The following HSD11B1 variants were observed in gnomAD, a reference collection of about 807,000 sequenced individuals.
HSD11B1 encodes hydroxysteroid 11-beta dehydrogenase 1.
HSD11B1 carries 15 observed loss-of-function variants against 22.1 expected under a neutral mutation model. That is an observed-to-expected ratio of 0.68 (90% CI 0.45 to 1.04). HSD11B1 has a LOEUF of 1.04. Ranked by LOEUF, HSD11B1 falls within the 50% of genes least tolerant of loss-of-function variation. The pLI, the probability that HSD11B1 is intolerant of heterozygous loss-of-function variation, is 0.00. For missense variants in HSD11B1, 281 were observed against 357.6 expected (o/e 0.79, Z 1.73); for synonymous variants, 122 against 125.2 (o/e 0.97, Z 0.17).
intron 1 of HSD11B1, among the ~76,000 whole-genome samples, chr1:209,697,729 G>C (rs758531274): frequency 2.0e-5 from 3 of 152,082 alleles, no homozygotes; most frequent in Non-Finnish European, 2.9e-5. Context: ...ATGGCTATCA[G>C]TAGGCATGGT....
intron 4 of HSD11B1, among the ~76,000 whole-genome samples, chr1:209,716,557 T>C (rs528077770): frequency 6.0e-5 from 9 of 150,652 alleles, no homozygotes; most frequent in African/African-American, 9.8e-5. Flanking sequence ...ACATTTTTCA[T>C]AGAAATAGAA....
At chr1:209,722,093 G>A (rs113178111) in intron 4 of HSD11B1, among the ~76,000 whole-genome samples, 20 of 152,122 alleles carry the variant, frequency 1.3e-4, no homozygotes, top group Admixed American at 5.2e-4. Flanking sequence ...AACCGGTTTG[G>A]GCCCACCCTT....
At position 209,706,091 on chromosome 1, in the gene HSD11B1, T is replaced by C. The variant is rs1016794298; in HGVS notation, c.219+150T>C. 3 of 982,912 alleles carry C rather than the reference T, an allele frequency of 3.1e-6. No individual in the cohort carries two copies. The African/African-American group carries it at 4.9e-5, about 16-fold the overall frequency. 60.9% of individuals were successfully genotyped at this position (982,912 alleles called of 1,614,324 possible). ...AGACACTTAATTTTGCACTCTCATA[T>C]ATAGATTCAAACACCAAAAAACCCA... On this transcript the variant is annotated intron_variant, in intron 2 of 5. Transcript: ENST00000367027. This position sits in a 1 kb window ranked among gnomAD's most constrained non-coding sequence, Gnocchi z 4.0.
At chr1:209,718,561 C>A (rs56822893) in intron 4 of HSD11B1, among the ~76,000 whole-genome samples, 20,439 of 151,752 alleles carry the variant, frequency 0.13, 2,882 homozygotes, top group East Asian at 0.32. Context: ...CCCACACCCC[C>A]AAAAAACAGA....
chr1:209,732,441 G>T lies in HSD11B1; in HGVS notation c.523G>T (p.Val175Leu). The change falls in exon 5 of 6, where the codon GTG (valine) becomes TTG (leucine). Residue 175 changes from valine (V) to leucine (L), a missense_variant. Physicochemically the swap from Val to Leu is conservative, Grantham distance 32. Coordinates refer to ENST00000367027, the MANE Select transcript of HSD11B1 (RefSeq NM_005525.4). The part of the protein sequence containing the change: ...IVVVSSLAGK[V>L]AYPMVAAYSA... ...TTCTTTAATCTGTCATTTAGGGAAA[G>T]TGGCTTATCCAATGGTTGCTGCCTA... The T allele has an allele frequency of 6.2e-7, 1 of 1,614,136 alleles. No individual in the cohort carries two copies. The highest frequency in any genetic ancestry group is 8.5e-7 in the Non-Finnish European group (1 of 1,180,002).
At chr1:209,729,351 T>G (rs1418959301) in intron 4 of HSD11B1, among the ~76,000 whole-genome samples, 1 of 128,482 alleles carries the variant, frequency 7.8e-6, no homozygotes, top group East Asian at 2.3e-4. Context: ...AGAGCAAGAC[T>G]CTGCCTCGGA....
At chr1:209,715,550 G>A (rs1405325474) in intron 4 of HSD11B1, among the ~76,000 whole-genome samples, 2 of 152,140 alleles carry the variant, frequency 1.3e-5, no homozygotes, top group African/African-American at 2.4e-5. Context: ...AAGGATAATA[G>A]GCACACATTA....
chr1:209,709,377 C>T (rs962600350), intron 4 of HSD11B1, among the ~76,000 whole-genome samples: 2 of 152,182 alleles, frequency 1.3e-5, no homozygotes, highest in Non-Finnish European at 2.9e-5. Flanking sequence ...CCACTATTCA[C>T]CACCTTTTCT....
intron 4 of HSD11B1, among the ~76,000 whole-genome samples, chr1:209,719,017 C>A (rs1429447694): frequency 3.1e-4 from 1 of 3,180 alleles, no homozygotes; most frequent in Non-Finnish European, 4.3e-4. Context: ...GAGACTCCAT[C>A]TCAAAAAAAA....
At position 209,704,996 on chromosome 1, in the gene HSD11B1, C is replaced by T; in HGVS notation, c.54C>T (p.Tyr18=). ...LLPILGLFMA[Y]YYYSANEEFR... is the part of the protein sequence containing the mutation. ...CCATTCTGGGGCTCTTCATGGCCTA[C>T]TACTACTATTCTGCAAACGAGGAAT... is the stretch of plus-strand genomic sequence containing the variant. Residue 18 remains tyrosine (Y), a synonymous_variant, in exon 1 of 6, where the codon TAC becomes TAT. Coordinates refer to ENST00000367027, the MANE Select transcript of HSD11B1 (RefSeq NM_005525.4). 1.9e-6 allele frequency: 3 copies of T among 1,613,868 alleles called. No homozygotes were observed. Among genetic ancestry groups the T allele is most frequent in the Non-Finnish European group, 2.5e-6 (3 of 1,179,806 alleles).
At chr1:209,716,390 GA>G (rs1213207212) in intron 4 of HSD11B1, among the ~76,000 whole-genome samples, 1 of 149,556 alleles carries the variant, frequency 6.7e-6, no homozygotes, top group African/African-American at 2.4e-5. Flanking sequence ...ACCTCTACAG[GA>G]AAAACTATAA....
intron 4 of HSD11B1, chr1:209,724,121 G>T (rs943812545): frequency 7.2e-5 from 11 of 152,348 alleles, no homozygotes; most frequent in African/African-American, 2.7e-4. Context: ...GGTGAGCAGA[G>T]TGTGGGCTGG....
In HSD11B1 at chr1:209,704,961, T is replaced by C; in HGVS notation, c.19T>C (p.Tyr7His). Reference sequence around the variant, plus strand: ...CTGTCGGATGGCTTTTATGAAAAAATATCTCCTCCCCATTCTGGGGCTCTT... The same window carrying C: ...CTGTCGGATGGCTTTTATGAAAAAACATCTCCTCCCCATTCTGGGGCTCTT... MAFMKKYLLPILGLFMA... is the reference protein window; with the variant it reads MAFMKKHLLPILGLFMA... The change falls in exon 1 of 6, where the codon TAT becomes CAT. Residue 7 changes from tyrosine (Y) to histidine (H), a missense_variant. By Grantham distance (83) the Tyr-to-His change is moderately conservative. Transcript: ENST00000367027. 6.2e-7 allele frequency: 1 copy of C among 1,613,790 alleles called. No homozygotes were observed. Among genetic ancestry groups the C allele is most frequent in the Non-Finnish European group, 8.5e-7 (1 of 1,179,786 alleles).
rs988076432 is a variant in HSD11B1 at position 209,697,884 on chromosome 1, CTTTTTTTTTTTTTTTTT to C, written c.-48-6997_-48-6981del. On this transcript the variant is annotated intron_variant, in intron 1 of 6. Transcript: ENST00000261465. Reference sequence around the variant, plus strand: ...GAATGATTAATGGTTTTGTTTTTTCCTTTTTTTTTTTTTTTTTTTTTTTTTTTTTTGAGATGAGGGTC... The same window carrying C: ...GAATGATTAATGGTTTTGTTTTTTCCTTTTTTTTTTTTTGAGATGAGGGTC... Among the ~76,000 whole-genome samples, 20 of 41,608 alleles carry C rather than the reference CTTTTTTTTTTTTTTTTT, an allele frequency of 4.8e-4. 1 individual carries two copies. The highest frequency in any genetic ancestry group is 6.7e-4 in the Non-Finnish European group (15 of 22,402). 27.3% of individuals were successfully genotyped at this position (41,608 alleles called of 152,430 possible).
intron 4 of HSD11B1, among the ~76,000 whole-genome samples, chr1:209,712,789 G>A (rs770149541): frequency 1.3e-5 from 2 of 152,240 alleles, no homozygotes; most frequent in East Asian, 1.9e-4. Flanking sequence ...AGTGGTTTAC[G>A]CCTGTAATCC....
intron 5 of HSD11B1, among the ~76,000 whole-genome samples, chr1:209,733,443 T>C (rs997474779): frequency 6.6e-6 from 1 of 152,142 alleles, no homozygotes; most frequent in African/African-American, 2.4e-5. Flanking sequence ...AAATTACTAC[T>C]AAGTGGAATC....
At chr1:209,692,263 C>A (rs2076764488) in intron 1 of HSD11B1, among the ~76,000 whole-genome samples, 1 of 152,040 alleles carries the variant, frequency 6.6e-6, no homozygotes, top group Non-Finnish European at 1.5e-5. Flanking sequence ...TTTAGAATCA[C>A]CTGGGGACTG....
intron 1 of HSD11B1, among the ~76,000 whole-genome samples, chr1:209,698,565 C>T (rs1362253148): frequency 6.6e-6 from 1 of 152,174 alleles, no homozygotes; most frequent in African/African-American, 2.4e-5. Context: ...CCCACTGCTC[C>T]CCATGCTGCC....
intron 4 of HSD11B1, among the ~76,000 whole-genome samples, chr1:209,708,018 G>C (rs1051291296): frequency 6.6e-6 from 1 of 152,136 alleles, no homozygotes; most frequent in African/African-American, 2.4e-5. Flanking sequence ...TAAACAACCA[G>C]CTGGGTAGGG....
Sources: allele counts gnomAD v4.1 joint callset (sites outside exome capture counted in the v4.1 genomes callset), GRCh38; gene constraint gnomAD v4.1.1; non-coding constraint Gnocchi (gnomAD v3.1); transcripts MANE v1.5; gene names NCBI Gene and HGNC (gene_info 2026-07-23, HGNC 2026-07-21).